The following RNF126 variants were observed in gnomAD, a reference collection of about 807,000 sequenced individuals.
RNF126 encodes ring finger protein 126.
A neutral mutation model predicts 41.9 loss-of-function variants in RNF126; 20 were observed. The ratio of observed to expected loss-of-function variants is 0.48; its 90% confidence interval spans 0.34 to 0.69. The LOEUF (loss-of-function observed/expected upper bound fraction) is 0.69, where lower values mean the gene tolerates loss of function less well. Ranked by LOEUF, RNF126 falls within the 30% of genes least tolerant of loss-of-function variation. RNF126 has a pLI of 0.01. For synonymous variants in RNF126, 239 were observed against 202.9 expected (o/e 1.18, Z -1.51); for missense variants, 433 against 460.6 (o/e 0.94, Z 0.55).
At chr19:663,008 C>A (rs1358305507) in intron 1 of RNF126, 39 bp downstream of exon 1, 5 of 1,194,206 alleles carry the variant, frequency 4.2e-6, no homozygotes, top group Admixed American at 7.4e-5. Flanking sequence ...AGGCCTGCGG[C>A]GCAGACCCTG....
chr19:663,153 C>A lies in RNF126; in HGVS notation c.-32G>T. The A allele has an allele frequency of 9.0e-7, 1 of 1,113,438 alleles. No homozygotes were observed. Among genetic ancestry groups the A allele is most frequent in the Non-Finnish European group, 1.1e-6 (1 of 896,202 alleles). 69.0% of individuals were successfully genotyped at this position (1,113,438 alleles called of 1,614,324 possible). On this transcript the variant is annotated 5_prime_UTR_variant, in exon 1 of 9. Coordinates refer to ENST00000292363, the MANE Select transcript of RNF126 (RefSeq NM_194460.3). ...CGCCACCTACTCCGCGCCGCCCGCC[C>A]CCCGCGCGGCACCCGCCGCCGGCCG...
Position 651,627 on chromosome 19 carries a change from C to T in RNF126, c.427G>A (p.Val143Ile), listed in dbSNP as rs769494147. The T allele has an allele frequency of 8.1e-5, 117 of 1,447,950 alleles. No homozygotes were observed. Among genetic ancestry groups the T allele is most frequent in the Admixed American group, 2.8e-4 (10 of 36,050 alleles). The allele number at this position is 1,447,950 out of a possible 1,614,324, so 89.7% of individuals were successfully genotyped here. A position where few individuals can be genotyped will look rare whatever the true frequency, so the allele number is the denominator to read the frequency against. ...TRRATGRHEGVPTLEGIIQQL... is the reference protein window; with the variant it reads ...TRRATGRHEGIPTLEGIIQQL... ...CCCCCTCACCCTTCCAGCGTGGGGA[C>T]GCCTTCGTGCCGGCCGGTGGCCCGC... Residue 143 changes from valine (V) to isoleucine (I), a missense_variant, in exon 4 of 9, where the codon GTC (valine) becomes ATC (isoleucine). Coordinates refer to ENST00000292363, the MANE Select transcript of RNF126 (RefSeq NM_194460.3).
In RNF126 at chr19:659,493, C is replaced by T. The variant is rs1373958171; in HGVS notation, c.75+3554G>A. 6.6e-6 allele frequency among the ~76,000 whole-genome samples: 1 copy of T among 152,160 alleles called. No individual in the cohort carries two copies. The highest frequency in any genetic ancestry group is 1.5e-5 in the Non-Finnish European group (1 of 68,018). On this transcript the variant is annotated intron_variant, in intron 1 of 8. Transcript: ENST00000292363. This position sits in a 1 kb window ranked among gnomAD's most constrained non-coding sequence, Gnocchi z 4.9. ...GCAGAGCTGGAACCACCCTAGGAACCACCCAGAGACGGGGAGGTCAGGGGC... is the reference window on the plus strand; with the variant it reads ...GCAGAGCTGGAACCACCCTAGGAACTACCCAGAGACGGGGAGGTCAGGGGC...
At chr19:648,834 C>T (rs200294886) in intron 7 of RNF126, 48 bp downstream of exon 7, 35 of 1,125,626 alleles carry the variant, frequency 3.1e-5, no homozygotes, top group Middle Eastern at 3.0e-4. Context: ...CCAGGCGTGG[C>T]GGCGGGTGCC....
chr19:662,574 C>T (rs547070999), intron 1 of RNF126, among the ~76,000 whole-genome samples: 161 of 152,222 alleles, frequency 1.1e-3, no homozygotes, highest in Middle Eastern at 3.4e-3. Context: ...CAACCACGCG[C>T]TCGGCGGGGG....
chr19:648,364 G>GGGGGGGGGGGGGGGGGGGGGGGGGC lies in RNF126; in HGVS notation c.786+7_786+8insGCCCCCCCCCCCCCCCCCCCCCCCC. 2.0e-6 allele frequency: 1 copy of GGGGGGGGGGGGGGGGGGGGGGGGGC among 510,492 alleles called. No homozygotes were observed. The highest frequency in any genetic ancestry group is 3.6e-6 in the Non-Finnish European group (1 of 278,360). 31.6% of individuals were successfully genotyped at this position (510,492 alleles called of 1,614,324 possible). ...CGGGGTGGGGGGGCGGGTGGGCGGG[G>GGGGGGGGGGGGGGGGGGGGGGGGGC]CACTCACCTGCTCCAGCCAGGGCAC... On this transcript the variant is annotated splice_region_variant and intron_variant, in intron 8 of 8. Transcript: ENST00000292363.
chr19:651,550 G>T, intron 4 of RNF126, 61 bp downstream of exon 4: 1 of 1,366,886 alleles, frequency 7.3e-7, no homozygotes, highest in Admixed American at 3.4e-5. Flanking sequence ...TGGATTCTAA[G>T]CGCCAGAACT....
intron 1 of RNF126, among the ~76,000 whole-genome samples, chr19:660,540 G>A (rs370835693): frequency 6.6e-6 from 1 of 152,224 alleles, no homozygotes; most frequent in Non-Finnish European, 1.5e-5. Flanking sequence ...CCGTTTCGAG[G>A]GCACTGGTTG....
chr19:654,249 A>C lies in RNF126; in HGVS notation c.76-1365T>G, dbSNP rs147338370. On this transcript the variant is annotated intron_variant, in intron 1 of 8. Transcript: ENST00000292363. ...TGAACCCACCGTGAGGGGAGAGTGA[A>C]GAGGCACCATCTACAATATAGAAAA... Among the ~76,000 whole-genome samples the C allele has an allele frequency of 3.0e-4, 45 of 152,330 alleles. No individual in the cohort carries two copies. In the East Asian group the frequency reaches 8.3e-3, roughly 28 times the overall value.
intron 4 of RNF126, among the ~76,000 whole-genome samples, chr19:651,136 C>T (rs962477810): frequency 6.9e-6 from 1 of 145,068 alleles, no homozygotes; most frequent in Non-Finnish European, 1.5e-5. Context: ...GGCTCTGTTC[C>T]ACCAGGAGCA....
At position 659,512 on chromosome 19, in the gene RNF126, CA is replaced by C. The variant is rs2030705002; in HGVS notation, c.75+3534del. The stretch of plus-strand genomic sequence containing the variant: ...AGGAACCACCCAGAGACGGGGAGGT[CA>C]GGGGCAAGGACGGCACGCAGGGCCA... On this transcript the variant is annotated intron_variant, in intron 1 of 8. Coordinates refer to ENST00000292363, the MANE Select transcript of RNF126 (RefSeq NM_194460.3). This position sits in a 1 kb window ranked among gnomAD's most constrained non-coding sequence, Gnocchi z 4.9. Among the ~76,000 whole-genome samples, 4 of 152,224 alleles carry C rather than the reference CA, an allele frequency of 2.6e-5. No homozygotes were observed. Among genetic ancestry groups the C allele is most frequent in the African/African-American group, 7.2e-5 (3 of 41,522 alleles).
chr19:650,337 C>A (rs370772673), intron 4 of RNF126, 41 bp from the exon 5 acceptor site: 3 of 1,550,368 alleles, frequency 1.9e-6, no homozygotes, highest in Non-Finnish European at 1.7e-6. Flanking sequence ...GGCCGCCCCA[C>A]GCACAGGAGA....
chr19:659,921 G>A lies in RNF126; in HGVS notation c.75+3126C>T, dbSNP rs530186547. Among the ~76,000 whole-genome samples the A allele has an allele frequency of 6.6e-6, 1 of 152,068 alleles. No homozygotes were observed. Among genetic ancestry groups the A allele is most frequent in the East Asian group, 1.9e-4 (1 of 5,182 alleles). ...TGGGACTACAGGTGCCTGCCACCAC[G>A]CCTGGCCAATCTTTTGTATTTTTAG... is the stretch of plus-strand genomic sequence containing the variant. On this transcript the variant is annotated intron_variant, in intron 1 of 8. Transcript: ENST00000292363. The surrounding 1 kb of genome is among the most constrained non-coding windows in gnomAD (Gnocchi z 4.9).
intron 6 of RNF126, 143 bp downstream of exon 6, chr19:649,536 T>C: frequency 1.5e-6 from 1 of 646,246 alleles, no homozygotes; most frequent in Non-Finnish European, 2.7e-6. Context: ...AGCTGCCCCC[T>C]GTGCCCGCCA....
intron 1 of RNF126, among the ~76,000 whole-genome samples, chr19:656,950 C>T (rs879266373): frequency 4.6e-5 from 7 of 152,184 alleles, no homozygotes; most frequent in Non-Finnish European, 8.8e-5. Context: ...GCCGCTCCAT[C>T]GCCTGGGTGG....
Position 659,358 on chromosome 19 carries a change from G to A in RNF126, c.75+3689C>T, listed in dbSNP as rs1000649645. On this transcript the variant is annotated intron_variant, in intron 1 of 8. Coordinates refer to ENST00000292363, the MANE Select transcript of RNF126 (RefSeq NM_194460.3). This position sits in a 1 kb window ranked among gnomAD's most constrained non-coding sequence, Gnocchi z 4.9. ...TTCCTGGTGGCTCCCCGCCCACGCC[G>A]GCTCTTCCCCGCCACCGTGGGCGGC... is the stretch of plus-strand genomic sequence containing the variant. Among the ~76,000 whole-genome samples, 12 of 152,008 alleles carry A rather than the reference G, an allele frequency of 7.9e-5. No homozygotes were observed. The highest frequency in any genetic ancestry group is 3.9e-4 in the Admixed American group (6 of 15,268).
intron 3 of RNF126, 23 bp downstream of exon 3, chr19:652,210 A>G: frequency 6.6e-7 from 1 of 1,509,302 alleles, no homozygotes; most frequent in Non-Finnish European, 8.8e-7. Context: ...ACGATCGGGA[A>G]GCACGAGGGG....
rs773578713 is a variant in RNF126, at chr19:651,634, G to A, written c.420C>T (p.His140=). ...RLTTRRATGR[H]EGVPTLEGII... is the part of the protein sequence containing the mutation. The stretch of plus-strand genomic sequence containing the variant: ...ACCCTTCCAGCGTGGGGACGCCTTC[G>A]TGCCGGCCGGTGGCCCGCCGCGTGG... The change falls in exon 4 of 9, where the codon CAC becomes CAT. Residue 140 remains histidine, a synonymous_variant. Transcript: ENST00000292363. 47 of 1,473,498 alleles carry A rather than the reference G, an allele frequency of 3.2e-5. No individual in the cohort carries two copies. Among genetic ancestry groups the A allele is most frequent in the Admixed American group, 1.8e-4 (7 of 39,776 alleles). 91.3% of individuals were successfully genotyped at this position (1,473,498 alleles called of 1,614,324 possible). A position where few individuals can be genotyped will look rare whatever the true frequency, so the allele number is the denominator to read the frequency against.
In RNF126 at chr19:652,271, AG is replaced by A. The variant is rs753517011; in HGVS notation, c.159del (p.Ser54ProfsTer170). On this transcript the variant is annotated frameshift_variant, in exon 3 of 9. Coordinates refer to ENST00000292363, the MANE Select transcript of RNF126 (RefSeq NM_194460.3). LOFTEE classifies it high-confidence loss of function. ...CGGCTCTGGTCTGTGGGAGCTGTGG[AG>A]GGGGCAGAACCATTTTCTGTGCTCC... ...ETRSTENGSA[P>X]STAPTDQSRP... 6 of 1,553,128 alleles carry A rather than the reference AG, an allele frequency of 3.9e-6. No homozygotes were observed. Among genetic ancestry groups the A allele is most frequent in the South Asian group, 1.2e-5 (1 of 80,798 alleles).
Sources: allele counts gnomAD v4.1 joint callset (sites outside exome capture counted in the v4.1 genomes callset), GRCh38; gene constraint gnomAD v4.1.1; non-coding constraint Gnocchi (gnomAD v3.1); transcripts MANE v1.5; gene names NCBI Gene and HGNC (gene_info 2026-07-23, HGNC 2026-07-21).